The following SOCS6 variants were observed in gnomAD, a reference collection of about 807,000 sequenced individuals.
SOCS6 encodes the protein STAT induced STAT inhibitor-4.
In SOCS6, 5 loss-of-function variants were observed where a neutral mutation model predicts 27.7. The observed-to-expected ratio is 0.18, with a 90% CI of 0.09 to 0.38. The LOEUF (loss-of-function observed/expected upper bound fraction) is 0.38, where lower values mean the gene tolerates loss of function less well. Among genes scored for constraint, SOCS6 ranks in the 10% least tolerant of loss-of-function variants. The pLI, the probability that SOCS6 is intolerant of heterozygous loss-of-function variation, is 1.00. For synonymous variants in SOCS6, 271 were observed against 260.0 expected (o/e 1.04, Z -0.41); for missense variants, 595 against 688.1 (o/e 0.86, Z 1.51).
At chr18:70,320,183 T>C (rs9950792) in intron 1 of SOCS6, among the ~76,000 whole-genome samples, 2,833 of 152,190 alleles carry the variant, frequency 0.019, 87 homozygotes, top group African/African-American at 0.064. Flanking sequence ...GAGACGGGGT[T>C]TCACCATGTT....
intron 1 of SOCS6, among the ~76,000 whole-genome samples, chr18:70,318,959 AAAAAG>A (rs1568603430): frequency 6.6e-6 from 1 of 152,304 alleles, no homozygotes; most frequent in African/African-American, 2.4e-5. Context: ...AAAGAAAAGA[AAAAAG>A]AGAAGAGAAA....
In SOCS6 at chr18:70,326,201, T is replaced by C; in HGVS notation, c.1533T>C (p.Tyr511=). 1 of 1,614,122 alleles carries C rather than the reference T, an allele frequency of 6.2e-7. No homozygotes were observed. Among genetic ancestry groups the C allele is most frequent in the South Asian group, 1.1e-5 (1 of 91,080 alleles). Residue 511 remains tyrosine (Y), a synonymous_variant, in exon 2 of 2, where the codon TAT becomes TAC. Transcript: ENST00000397942. ...TGTGTCGTTTTGTTATACGTCAGTATACCAGAATAGACTTAATTCAGAAAC... is the reference window on the plus strand; with the variant it reads ...TGTGTCGTTTTGTTATACGTCAGTACACCAGAATAGACTTAATTCAGAAAC... ...QYLCRFVIRQ[Y]TRIDLIQKLP...
chr18:70,321,246 C>T (rs1347869021), intron 1 of SOCS6, among the ~76,000 whole-genome samples: 2 of 150,806 alleles, frequency 1.3e-5, no homozygotes, highest in African/African-American at 4.9e-5. Flanking sequence ...TGCACTCTAG[C>T]CTGGCCAACA....
intron 1 of SOCS6, among the ~76,000 whole-genome samples, chr18:70,292,838 A>G (rs1183849378): frequency 3.3e-5 from 5 of 152,124 alleles, no homozygotes; most frequent in Admixed American, 6.5e-5. Context: ...CTGTTTGCCT[A>G]CAGTGCCTTC....
intron 1 of SOCS6, among the ~76,000 whole-genome samples, chr18:70,314,728 C>T (rs1302511832): frequency 6.6e-6 from 1 of 151,906 alleles, no homozygotes; most frequent in East Asian, 1.9e-4. Flanking sequence ...TAATTTTGTC[C>T]TCTCCTTTCC....
chr18:70,318,823 C>A (rs1600165298), intron 1 of SOCS6, among the ~76,000 whole-genome samples: 1 of 151,894 alleles, frequency 6.6e-6, no homozygotes, highest in African/African-American at 2.4e-5. Context: ...ATAATCCCAG[C>A]TACTCAGGAG....
chr18:70,308,211 C>A (rs1477522168), intron 1 of SOCS6, among the ~76,000 whole-genome samples: 1 of 151,904 alleles, frequency 6.6e-6, no homozygotes, highest in Non-Finnish European at 1.5e-5. Context: ...TAGTATCAGT[C>A]TTTTTAAATT....
intron 1 of SOCS6, among the ~76,000 whole-genome samples, chr18:70,314,609 A>T (rs1184375178): frequency 5.3e-5 from 8 of 152,008 alleles, no homozygotes; most frequent in Admixed American, 5.2e-4. Context: ...GTGTAAATCC[A>T]CTCTATGTTT....
Position 70,329,213 on chromosome 18 carries a change from A to T in SOCS6, c.*2937A>T, listed in dbSNP as rs923345222. On this transcript the variant is annotated 3_prime_UTR_variant, in exon 2 of 2. Transcript: ENST00000397942. ...AAAACTCTTTCTACTTGGTGCAATA[A>T]TCTGAAAATTTAGAAGGTCAAAATA... 1.8e-4 allele frequency: 30 copies of T among 167,082 alleles called. No homozygotes were observed. Among genetic ancestry groups the T allele is most frequent in the African/African-American group, 7.2e-4 (30 of 41,458 alleles). The allele number at this position is 167,082 out of a possible 1,614,324, so 10.3% of individuals were successfully genotyped here. A position where few individuals can be genotyped will look rare whatever the true frequency, so the allele number is the denominator to read the frequency against.
Position 70,325,268 on chromosome 18 carries a change from C to T in SOCS6, c.600C>T (p.Asp200=), listed in dbSNP as rs1288560135. Residue 200 remains aspartate, a synonymous_variant, in exon 2 of 2, where the codon GAC becomes GAT. Transcript: ENST00000397942. The surrounding 1 kb of genome is among the most constrained non-coding windows in gnomAD (Gnocchi z 6.3). ...AGAGCTCGGCTTCTCATAATGGAGA[C>T]CTGCATCTTCACCTGGATGAACATG... ...SLKSSASHNG[D]LHLHLDEHVP... is the part of the protein sequence containing the mutation. 2 of 1,614,190 alleles carry T rather than the reference C, an allele frequency of 1.2e-6. No homozygotes were observed. The highest frequency in any genetic ancestry group is 2.2e-5 in the East Asian group (1 of 44,876).
At chr18:70,307,470 C>G (rs749868125) in intron 1 of SOCS6, among the ~76,000 whole-genome samples, 3 of 152,144 alleles carry the variant, frequency 2.0e-5, no homozygotes, top group African/African-American at 4.8e-5. Flanking sequence ...TGAAGCCACC[C>G]GAGCCTGACC....
intron 1 of SOCS6, among the ~76,000 whole-genome samples, chr18:70,291,339 A>T (rs1280424916): frequency 1.3e-5 from 2 of 151,824 alleles, no homozygotes; most frequent in Non-Finnish European, 2.9e-5. Context: ...AGGCCTCAAG[A>T]TCCTCTCACC....
At chr18:70,308,849 T>C (rs902804714) in intron 1 of SOCS6, among the ~76,000 whole-genome samples, 8 of 152,220 alleles carry the variant, frequency 5.3e-5, no homozygotes, top group African/African-American at 1.9e-4. Context: ...AAGTCTATTT[T>C]GTCTGATATT....
intron 1 of SOCS6, among the ~76,000 whole-genome samples, chr18:70,301,583 A>G (rs1423298440): frequency 2.0e-5 from 3 of 152,214 alleles, no homozygotes; most frequent in Non-Finnish European, 4.4e-5. Context: ...AGTTTCAGAT[A>G]TCTGCAAGAC....
chr18:70,298,902 A>G (rs1345838767), intron 1 of SOCS6, among the ~76,000 whole-genome samples: 1 of 152,160 alleles, frequency 6.6e-6, no homozygotes, highest in African/African-American at 2.4e-5. Context: ...AGGTGGGCGG[A>G]TCACTTGAGG....
chr18:70,301,923 C>G (rs2062349888), intron 1 of SOCS6, among the ~76,000 whole-genome samples: 1 of 152,128 alleles, frequency 6.6e-6, no homozygotes, highest in South Asian at 2.1e-4. Context: ...GCAAAGGCTG[C>G]TCTGTGCGAT....
chr18:70,318,714 G>A (rs1431099090), intron 1 of SOCS6, among the ~76,000 whole-genome samples: 2 of 152,054 alleles, frequency 1.3e-5, no homozygotes, highest in African/African-American at 4.8e-5. Context: ...AAAGCGGGTG[G>A]ATCACAAGGT....
In SOCS6 at chr18:70,329,826, T is replaced by A. The variant is rs992005287; in HGVS notation, c.*3550T>A. On this transcript the variant is annotated 3_prime_UTR_variant, in exon 2 of 2. Transcript: ENST00000397942. The stretch of plus-strand genomic sequence containing the variant: ...ATTAATCAGTCATAACATGGCGAAG[T>A]GTGTAGTTGCTGTTTCTGAAAAGTG... The A allele has an allele frequency of 6.0e-6, 1 of 167,056 alleles. No homozygotes were observed. Among genetic ancestry groups the A allele is most frequent in the South Asian group, 2.1e-4 (1 of 4,824 alleles). The allele number at this position is 167,056 out of a possible 1,614,324, so 10.3% of individuals were successfully genotyped here.
At position 70,326,283 on chromosome 18, in the gene SOCS6, G is replaced by A. The variant is rs561673018; in HGVS notation, c.*7G>A. On this transcript the variant is annotated 3_prime_UTR_variant, in exon 2 of 2. Transcript: ENST00000397942. ...ACAGGAGAAGCACTACTGAAAGATT[G>A]AGAACCCTGCATCTTGCACTTTGGG... is the stretch of plus-strand genomic sequence containing the variant. 14 of 1,602,858 alleles carry A rather than the reference G, an allele frequency of 8.7e-6. No homozygotes were observed. The African/African-American group carries it at 9.4e-5, about 11-fold the overall frequency.
Sources: allele counts gnomAD v4.1 joint callset (sites outside exome capture counted in the v4.1 genomes callset), GRCh38; gene constraint gnomAD v4.1.1; non-coding constraint Gnocchi (gnomAD v3.1); transcripts MANE v1.5; gene names NCBI Gene and HGNC (gene_info 2026-07-23, HGNC 2026-07-21).